GATA4: variants seen among roughly 807,000 people sequenced by gnomAD.
The protein encoded by GATA4 is transcription factor GATA-4.
Under a neutral mutation model 37.9 loss-of-function variants are expected in GATA4, and 7 were observed. That is an observed-to-expected ratio of 0.18 (90% CI 0.11 to 0.35). The LOEUF is 0.35. Ranked by LOEUF, GATA4 falls within the 10% of genes least tolerant of loss-of-function variation. The pLI is 1.00. For synonymous variants in GATA4, 372 were observed against 292.6 expected (o/e 1.27, Z -2.77); for missense variants, 647 against 653.0 (o/e 0.99, Z 0.10).
At chr8:11,717,789 G>T (rs141403465) in intron 2 of GATA4, among the ~76,000 whole-genome samples, 126 of 152,218 alleles carry the variant, frequency 8.3e-4, no homozygotes, top group African/African-American at 3.0e-3. Flanking sequence ...GGAATCTTCC[G>T]TATCATTCCT....
chr8:11,732,320 T>G (rs1801249460), intron 2 of GATA4, among the ~76,000 whole-genome samples: 1 of 152,212 alleles, frequency 6.6e-6, no homozygotes, highest in Admixed American at 6.5e-5. Context: ...GTCATCGAAC[T>G]ATTCTCCAGG....
chr8:11,696,639 C>T (rs1054512748), intron 1 of GATA4, among the ~76,000 whole-genome samples: 3 of 152,206 alleles, frequency 2.0e-5, no homozygotes, highest in African/African-American at 7.2e-5. Context: ...TCTTCTTGTC[C>T]TGAAGCTCAT....
At chr8:11,695,741 A>G (rs1484172535) in intron 1 of GATA4, among the ~76,000 whole-genome samples, 1 of 152,174 alleles carries the variant, frequency 6.6e-6, no homozygotes, top group Non-Finnish European at 1.5e-5. Flanking sequence ...TCAGGATGTG[A>G]GAGGAGGATA....
rs1554488138 is a variant in GATA4 at position 11,707,316 on chromosome 8, G to GT, written c.-457-540_-457-539insT. Among the ~76,000 whole-genome samples the GT allele has an allele frequency of 7.2e-6, 1 of 138,184 alleles. No homozygotes were observed. Among genetic ancestry groups the GT allele is most frequent in the Non-Finnish European group, 1.5e-5 (1 of 66,378 alleles). The allele number at this position is 138,184 out of a possible 152,430, so 90.7% of individuals were successfully genotyped here. On this transcript the variant is annotated intron_variant, in intron 1 of 6. Transcript: ENST00000532059. The surrounding 1 kb of genome is among the most constrained non-coding windows in gnomAD (Gnocchi z 4.7). ...TTATAAACATTTGGACTCTACTTCT[G>GT]GTTTTTTTTTTTTTTAATTACAAAC...
In GATA4 at chr8:11,708,303, C is replaced by A; in HGVS notation, c.-10C>A. The A allele has an allele frequency of 6.3e-7, 1 of 1,580,052 alleles. No individual in the cohort carries two copies. The highest frequency in any genetic ancestry group is 8.5e-7 in the Non-Finnish European group (1 of 1,170,682). ...AGAGAGGACACCGAAGCCGGGAGCT[C>A]GCAGGGACCATGTATCAGAGCTTGG... On this transcript the variant is annotated 5_prime_UTR_variant, in exon 2 of 7. Coordinates refer to ENST00000532059, the MANE Select transcript of GATA4 (RefSeq NM_001308093.3). The surrounding 1 kb of genome is among the most constrained non-coding windows in gnomAD (Gnocchi z 6.7).
intron 1 of GATA4, among the ~76,000 whole-genome samples, chr8:11,677,705 C>G (rs955124712): frequency 6.6e-6 from 1 of 152,176 alleles, no homozygotes; most frequent in Non-Finnish European, 1.5e-5. Flanking sequence ...CTCTCAGAGT[C>G]GGATACTTTT....
At chr8:11,685,030 C>G (rs1158150595) in intron 1 of GATA4, among the ~76,000 whole-genome samples, 3 of 152,114 alleles carry the variant, frequency 2.0e-5, no homozygotes, top group Non-Finnish European at 2.9e-5. Flanking sequence ...AGGAAATAAT[C>G]AGAGATTCAC....
intron 2 of GATA4, among the ~76,000 whole-genome samples, chr8:11,718,274 T>C (rs1800522826): frequency 6.6e-6 from 1 of 152,254 alleles, no homozygotes; most frequent in African/African-American, 2.4e-5. Context: ...CTTTTATCTA[T>C]TACTGCTCTG....
chr8:11,724,479 C>T (rs901513170), intron 2 of GATA4, among the ~76,000 whole-genome samples: 4 of 152,202 alleles, frequency 2.6e-5, no homozygotes, highest in African/African-American at 4.8e-5. Flanking sequence ...ACATCTCCAA[C>T]GTAATTCTTC....
intron 2 of GATA4, among the ~76,000 whole-genome samples, chr8:11,742,282 G>A (rs1446889632): frequency 6.6e-6 from 1 of 151,922 alleles, no homozygotes; most frequent in Non-Finnish European, 1.5e-5. Context: ...AAACCTCTTT[G>A]CATATGAGCG....
chr8:11,692,346 G>T (rs1368007626), upstream of GATA4, among the ~76,000 whole-genome samples: 1 of 152,244 alleles, frequency 6.6e-6, no homozygotes, highest in East Asian at 1.9e-4. Context: ...GAGAACATTA[G>T]AAACGTACAA....
intron 4 of GATA4, 143 bp from the exon 5 acceptor site, chr8:11,754,903 G>A: frequency 1.5e-6 from 1 of 680,652 alleles, no homozygotes; most frequent in South Asian, 1.6e-5. Flanking sequence ...TGAGTTCCAG[G>A]GGCCTGTGCA....
At chr8:11,756,879 G>A (rs563805112) in intron 5 of GATA4, 56 bp from the exon 6 acceptor site, 133 of 1,613,454 alleles carry the variant, frequency 8.2e-5, no homozygotes, top group Non-Finnish European at 9.7e-5. Flanking sequence ...GCAGGCTGCC[G>A]GCTGTTCGTT....
At chr8:11,740,443 A>T (rs1232908197) in intron 2 of GATA4, among the ~76,000 whole-genome samples, 1 of 152,236 alleles carries the variant, frequency 6.6e-6, no homozygotes, top group African/African-American at 2.4e-5. Flanking sequence ...GGACGGCACA[A>T]AGAGGAGAAC....
chr8:11,725,190 T>C (rs1800857836), intron 2 of GATA4, among the ~76,000 whole-genome samples: 1 of 152,188 alleles, frequency 6.6e-6, no homozygotes, highest in Non-Finnish European at 1.5e-5. Context: ...CTGTAGCAAA[T>C]GGGATCCGGT....
intron 1 of GATA4, chr8:11,694,517 T>G: frequency 2.0e-6 from 2 of 985,382 alleles, no homozygotes; most frequent in Non-Finnish European, 1.2e-6. Flanking sequence ...TTGCCACCTT[T>G]TGGTTCCTCT....
chr8:11,711,883 T>G (rs367663945), intron 2 of GATA4, among the ~76,000 whole-genome samples: 3 of 152,094 alleles, frequency 2.0e-5, no homozygotes, highest in Non-Finnish European at 4.4e-5. Flanking sequence ...CCCTGAGTCA[T>G]GGAGGGAAGA....
At chr8:11,701,244 GAAAAAAAAAA>G (rs56051265), upstream of GATA4, among the ~76,000 whole-genome samples, 2 of 126,418 alleles carry the variant, frequency 1.6e-5, no homozygotes, top group Non-Finnish European at 3.2e-5. Flanking sequence ...CAGGTTCTTA[GAAAAAAAAAA>G]AAAAAAAAAA....
chr8:11,679,555 C>G lies in GATA4; in HGVS notation c.-274+2492C>G, dbSNP rs1798887339. The stretch of plus-strand genomic sequence containing the variant: ...GGAACCCCGACTGCTGGGGTCCGAG[C>G]CCTGGGCCGCTTGCGGGGCGCGCAG... On this transcript the variant is annotated intron_variant, in intron 1 of 6. Coordinates refer to the GATA4 transcript ENST00000528712. Among the ~76,000 whole-genome samples, 3 of 152,234 alleles carry G rather than the reference C, an allele frequency of 2.0e-5. 1 individual carries two copies. The South Asian group carries it at 6.2e-4, about 31-fold the overall frequency.
Sources: gnomAD v4.1 joint callset for allele counts (sites outside exome capture counted in the v4.1 genomes callset) on GRCh38, gnomAD v4.1.1 for gene constraint, Gnocchi (gnomAD v3.1) non-coding constraint, MANE v1.5 for transcripts, NCBI Gene and HGNC (gene_info 2026-07-23, HGNC 2026-07-21) for gene names.